Variants in ARSG observed in about 807,000 individuals in gnomAD.
The protein encoded by ARSG is arylsulfatase G, also known as ASG.
In ARSG, 37 loss-of-function variants were observed where a neutral mutation model predicts 50.5. The observed-to-expected ratio is 0.73, with a 90% confidence interval of 0.56 to 0.96. The LOEUF is 0.96. Ranked by LOEUF, ARSG falls within the 50% of genes least tolerant of loss-of-function variation. The pLI, the probability that ARSG is intolerant of heterozygous loss-of-function variation, is 0.00. For synonymous variants in ARSG, 225 were observed against 254.6 expected, an observed-to-expected ratio of 0.88 and a Z score of 1.11; for missense variants, 629 against 675.3, an observed-to-expected ratio of 0.93 and a Z score of 0.76.
intron 8 of ARSG, among the ~76,000 whole-genome samples, chr17:68,373,896 A>G (rs1012168493): frequency 2.0e-5 from 3 of 151,906 alleles, no homozygotes; most frequent in East Asian, 3.9e-4. Context: ...GGTGGCTCAC[A>G]CCTGTAATCC....
At chr17:68,430,360 C>T in the ARSG span, among the ~76,000 whole-genome samples, 7 of 152,174 alleles carry the variant, frequency 4.6e-5, no homozygotes, top group Admixed American at 1.3e-4. Context: ...CTTGTTTGTT[C>T]TTCAGAAGAG....
chr17:68,401,408 C>T lies in ARSG; in HGVS notation c.1261C>T (p.Gln421Ter). The T allele has an allele frequency of 6.2e-7, 1 of 1,614,082 alleles. No homozygotes were observed. The highest frequency in any genetic ancestry group is 2.2e-5 in the East Asian group (1 of 44,892). ...SGAAGEFGAL[Q>*]TVRLERYKAF... ...GGCAGCTGGAGAGTTTGGAGCCCTG[C>T]AGACTGTCCGCCTGGAGCGTTACAA... The change falls in exon 11 of 12, where the codon CAG becomes TAG. Residue 421 changes from glutamine (Q) to a stop codon, truncating the protein, a stop_gained. Transcript: ENST00000621439. LOFTEE classifies it low-confidence loss of function (END_TRUNC).
chr17:68,426,201 A>C, downstream of ARSG: 1 of 1,484,286 alleles, frequency 6.7e-7, no homozygotes, highest in Non-Finnish European at 9.2e-7. Context: ...GAGACATGAA[A>C]CAAGCACTGG....
At chr17:68,312,436 C>T (rs1339319623) in intron 2 of ARSG, among the ~76,000 whole-genome samples, 2 of 152,084 alleles carry the variant, frequency 1.3e-5, no homozygotes, top group Non-Finnish European at 2.9e-5. Context: ...TAGGAACTTC[C>T]GCTTTCAGTG....
intron 11 of ARSG, among the ~76,000 whole-genome samples, chr17:68,415,480 A>G (rs1600175427): frequency 6.6e-6 from 1 of 152,210 alleles, no homozygotes; most frequent in African/African-American, 2.4e-5. Flanking sequence ...ACTACTGAAT[A>G]GAATGTGTAT....
Position 68,355,957 on chromosome 17 carries a change from C to T in ARSG, c.567-710C>T, listed in dbSNP as rs142452605. Among the ~76,000 whole-genome samples, 43 of 152,272 alleles carry T rather than the reference C, an allele frequency of 2.8e-4. No homozygotes were observed. The East Asian group carries it at 4.8e-3, about 17-fold the overall frequency. ...AGTGCAGTGGGATGATCTCAGTTCA[C>T]TGCAACCTCCGCCTCCCGGGTTCAA... On this transcript the variant is annotated intron_variant, in intron 5 of 11. Coordinates refer to ENST00000621439, the MANE Select transcript of ARSG (RefSeq NM_001267727.2).
the ARSG span, among the ~76,000 whole-genome samples, chr17:68,431,026 C>T: frequency 1.3e-5 from 2 of 152,148 alleles, no homozygotes; most frequent in African/African-American, 4.8e-5. Flanking sequence ...GCTAGGTGCA[C>T]TGCTAGGGTT....
Position 68,283,041 on chromosome 17 carries a change from G to C in ARSG, c.-552+23615G>C, listed in dbSNP as rs527259081. ...GGTGGCTGAGGTGGGAGGATTGCTT[G>C]AGTTGAGGCTGGAAGCTTGAGGCGG... On this transcript the variant is annotated intron_variant, in intron 1 of 11. Transcript: ENST00000448504. 2.0e-5 allele frequency: 3 copies of C among 152,302 alleles called. No individual in the cohort carries two copies. In the East Asian group the frequency reaches 5.8e-4, roughly 29 times the overall value. 9.4% of individuals were successfully genotyped at this position (152,302 alleles called of 1,614,324 possible).
chr17:68,311,209 C>T (rs543856821), intron 2 of ARSG, among the ~76,000 whole-genome samples: 1 of 152,302 alleles, frequency 6.6e-6, no homozygotes, highest in East Asian at 1.9e-4. Flanking sequence ...CTCCACTCTT[C>T]TCTCTTGCAG....
In ARSG at chr17:68,368,532, G is replaced by A; in HGVS notation, c.705-16G>A. 6.2e-7 allele frequency: 1 copy of A among 1,611,870 alleles called. No individual in the cohort carries two copies. On this transcript the variant is annotated splice_polypyrimidine_tract_variant and intron_variant, in intron 6 of 11. Transcript: ENST00000621439. ...AGAGCCTTCTGCAGAGTCACCTCTT[G>A]GTTCTCCTGTTTCAGCACCAGCGGG...
chr17:68,434,161 TC>T, the ARSG span, among the ~76,000 whole-genome samples: 1 of 152,166 alleles, frequency 6.6e-6, no homozygotes, highest in Non-Finnish European at 1.5e-5. Context: ...CTTGGAATCT[TC>T]CAGTTGCTCT....
chr17:68,293,929 A>C (rs2076113716), intron 1 of ARSG, among the ~76,000 whole-genome samples: 1 of 152,172 alleles, frequency 6.6e-6, no homozygotes, highest in Non-Finnish European at 1.5e-5. Context: ...CCTCAATCCT[A>C]GTGAGACCAA....
At chr17:68,436,474 A>G in the ARSG span, 1 of 1,613,878 alleles carries the variant, frequency 6.2e-7, no homozygotes, top group Non-Finnish European at 8.5e-7. Context: ...GAGAGAGCAC[A>G]TAGACCTGGC....
At chr17:68,272,667 T>C in intron 1 of ARSG, 1 of 1,614,168 alleles carries the variant, frequency 6.2e-7, no homozygotes, top group East Asian at 2.2e-5. Context: ...CAGCGAAACA[T>C]TCTCCTGTGG....
At chr17:68,272,219 T>C (rs1214019387) in intron 1 of ARSG, among the ~76,000 whole-genome samples, 1 of 152,164 alleles carries the variant, frequency 6.6e-6, no homozygotes, top group Non-Finnish European at 1.5e-5. Context: ...ATTACAGGTG[T>C]AAGCCACCGT....
At chr17:68,335,517 G>T (rs1298426707) in intron 2 of ARSG, among the ~76,000 whole-genome samples, 1 of 147,488 alleles carries the variant, frequency 6.8e-6, no homozygotes, top group African/African-American at 2.6e-5. Flanking sequence ...TCATGCCACT[G>T]CCCTCCAGCC....
intron 1 of ARSG, chr17:68,270,904 G>A: frequency 6.2e-7 from 1 of 1,614,194 alleles, no homozygotes; most frequent in Non-Finnish European, 8.5e-7. Context: ...AGCTGCAGAA[G>A]ACATCTTCTC....
At chr17:68,436,295 C>A in the ARSG span, 31 of 1,250,060 alleles carry the variant, frequency 2.5e-5, no homozygotes, top group Non-Finnish European at 3.4e-5. Context: ...CTCCAGCCCC[C>A]GACGGCAGGG....
At chr17:68,291,381 C>G (rs1952047590), upstream of ARSG, 3 of 148,214 alleles carry the variant, frequency 2.0e-5, no homozygotes, top group South Asian at 6.6e-4. Flanking sequence ...CTGCCTAGCT[C>G]TTATCCTATA....
Sources: allele counts gnomAD v4.1 joint callset (sites outside exome capture counted in the v4.1 genomes callset), GRCh38; gene constraint gnomAD v4.1.1; transcripts MANE v1.5; gene names NCBI Gene and HGNC (gene_info 2026-07-23, HGNC 2026-07-21).